KDM2B: variants seen among roughly 807,000 people sequenced by gnomAD.
The protein encoded by KDM2B is lysine-specific demethylase 2B.
Under a neutral mutation model 150.0 loss-of-function variants are expected in KDM2B, and 26 were observed. That is an observed-to-expected ratio of 0.17 (90% CI 0.13 to 0.24). The LOEUF is 0.24. Among genes scored for constraint, KDM2B ranks in the 10% least tolerant of loss-of-function variants. The pLI, the probability that KDM2B is intolerant of heterozygous loss-of-function variation, is 1.00. For missense variants in KDM2B, 1,265 were observed against 1,816.9 expected, an observed-to-expected ratio of 0.70 and a Z score of 5.52; for synonymous variants, 734 against 729.5, an observed-to-expected ratio of 1.01 and a Z score of -0.10.
downstream of KDM2B, among the ~76,000 whole-genome samples, chr12:121,426,450 C>G (rs868928925): frequency 7.0e-6 from 1 of 142,734 alleles, no homozygotes; most frequent in African/African-American, 2.7e-5. Flanking sequence ...CCCCTCCCCC[C>G]CCTTTTTTTT....
In KDM2B at chr12:121,533,543, C is replaced by T. The variant is rs1235487668; in HGVS notation, c.778-584G>A. ...GCAACAAAAGCAGACACAGGGAGCA[C>T]CCTTAGCATTCTGTCCCCAGTGCAA... On this transcript the variant is annotated intron_variant, in intron 7 of 22. Coordinates refer to ENST00000377071, the MANE Select transcript of KDM2B (RefSeq NM_032590.5). The surrounding 1 kb of genome is among the most constrained non-coding windows in gnomAD (Gnocchi z 4.1). 6.6e-6 allele frequency among the ~76,000 whole-genome samples: 1 copy of T among 152,184 alleles called. No individual in the cohort carries two copies. The highest frequency in any genetic ancestry group is 1.9e-4 in the East Asian group (1 of 5,198).
chr12:121,446,591 C>T (rs984256336), intron 13 of KDM2B, among the ~76,000 whole-genome samples: 38 of 152,136 alleles, frequency 2.5e-4, no homozygotes, highest in African/African-American at 8.5e-4. Flanking sequence ...GGTGAAATGG[C>T]CACTTTCTCC....
chr12:121,411,763 A>G, the KDM2B span, among the ~76,000 whole-genome samples: 1 of 152,196 alleles, frequency 6.6e-6, no homozygotes, highest in African/African-American at 2.4e-5. Context: ...TCCATGAGGA[A>G]CTTTCACTGT....
At chr12:121,455,432 C>A (rs961310212) in intron 12 of KDM2B, among the ~76,000 whole-genome samples, 2 of 152,228 alleles carry the variant, frequency 1.3e-5, no homozygotes. Context: ...GCAAAGGGCG[C>A]CAGGAACGGT....
At chr12:121,418,760 G>A in the KDM2B span, 7 of 152,162 alleles carry the variant, frequency 4.6e-5, no homozygotes, top group East Asian at 3.9e-4. Flanking sequence ...TCACTCTGTT[G>A]CCCAGGCTAG....
downstream of KDM2B, among the ~76,000 whole-genome samples, chr12:121,428,534 G>A (rs1028363860): frequency 2.6e-5 from 4 of 152,134 alleles, no homozygotes; most frequent in African/African-American, 7.2e-5. Context: ...AGAAAACTCA[G>A]CCATCAGCAA....
rs1447739591 is a variant in KDM2B, at chr12:121,453,742, AGCCAGCCCGGCCC to A, written c.1735-411_1735-399del. Among the ~76,000 whole-genome samples the A allele has an allele frequency of 6.6e-6, 1 of 152,150 alleles. No homozygotes were observed. Among genetic ancestry groups the A allele is most frequent in the East Asian group, 1.9e-4 (1 of 5,196 alleles). Reference sequence around the variant, plus strand: ...AAGGACCCTCCCCTAGAGCCCGCAGAGCCAGCCCGGCCCGCCAGCCCACACCTTGACTTCAGAC... The same window carrying A: ...AAGGACCCTCCCCTAGAGCCCGCAGAGCCAGCCCACACCTTGACTTCAGAC... On this transcript the variant is annotated intron_variant, in intron 12 of 22. Transcript: ENST00000377071. The surrounding 1 kb of genome is among the most constrained non-coding windows in gnomAD (Gnocchi z 6.4).
chr12:121,539,028 G>A (rs1242577456), intron 6 of KDM2B, among the ~76,000 whole-genome samples: 1 of 151,984 alleles, frequency 6.6e-6, no homozygotes, highest in Non-Finnish European at 1.5e-5. Context: ...GCTGGAAATG[G>A]TCCCATAGCC....
At chr12:121,580,254 G>GA in intron 1 of KDM2B, 1 of 1,241,610 alleles carries the variant, frequency 8.1e-7, no homozygotes, top group South Asian at 2.8e-5. Context: ...AGCAGTTGTG[G>GA]GGGGGGGGAG....
intron 13 of KDM2B, among the ~76,000 whole-genome samples, chr12:121,449,652 A>G (rs1555291119): frequency 3.3e-5 from 5 of 152,170 alleles, no homozygotes; most frequent in Non-Finnish European, 7.4e-5. Flanking sequence ...ACTGGCACAC[A>G]TTGGGTTTTA....
intron 12 of KDM2B, among the ~76,000 whole-genome samples, chr12:121,481,758 G>GTTTTT (rs111363850): frequency 1.1e-4 from 14 of 123,250 alleles, no homozygotes; most frequent in African/African-American, 4.8e-4. Context: ...TTATCTTAGG[G>GTTTTT]TTTTTTTTGT....
intron 11 of KDM2B, among the ~76,000 whole-genome samples, chr12:121,506,464 T>A (rs1417147190): frequency 6.6e-6 from 1 of 152,070 alleles, no homozygotes; most frequent in African/African-American, 2.4e-5. Flanking sequence ...CATGGAACCC[T>A]CAGGAGGCCT....
chr12:121,427,999 C>T (rs1175414356), downstream of KDM2B, among the ~76,000 whole-genome samples: 11 of 152,174 alleles, frequency 7.2e-5, no homozygotes, highest in Non-Finnish European at 4.4e-5. Context: ...GTCAAGAAAA[C>T]AAATATTACC....
chr12:121,580,262 G>A (rs910113157), intron 1 of KDM2B: 8 of 1,112,996 alleles, frequency 7.2e-6, no homozygotes, highest in Non-Finnish European at 9.0e-6. Flanking sequence ...TGGGGGGGGG[G>A]AGGCGTCGAC....
the KDM2B span, among the ~76,000 whole-genome samples, chr12:121,410,293 C>G: frequency 2.6e-5 from 4 of 151,898 alleles, no homozygotes; most frequent in East Asian, 7.8e-4. Context: ...AATCCCAGCT[C>G]TTTGGGAGGC....
At chr12:121,486,141 G>C (rs369711561) in intron 12 of KDM2B, among the ~76,000 whole-genome samples, 13 of 140,594 alleles carry the variant, frequency 9.2e-5, no homozygotes, top group African/African-American at 3.5e-4. Flanking sequence ...ATGGAGTCTT[G>C]CTCCTTTGCC....
chr12:121,573,581 T>G (rs1427579563), intron 4 of KDM2B, among the ~76,000 whole-genome samples: 2 of 144,554 alleles, frequency 1.4e-5, no homozygotes, highest in African/African-American at 5.3e-5. Flanking sequence ...GGCCTACTGT[T>G]TACTTCTTTT....
At chr12:121,581,080 C>T, upstream of KDM2B, 1 of 834,910 alleles carries the variant, frequency 1.2e-6, no homozygotes, top group Non-Finnish European at 1.7e-6. Context: ...AAGACGTTGC[C>T]TTTCATTCAT....
At position 121,440,877 on chromosome 12, in the gene KDM2B, C is replaced by A; in HGVS notation, c.3549G>T (p.Val1183=). The A allele has an allele frequency of 6.2e-7, 1 of 1,614,088 alleles. No homozygotes were observed. The highest frequency in any genetic ancestry group is 1.1e-5 in the South Asian group (1 of 91,080). Reference sequence around the variant, plus strand: ...GCATCTGGGCATCCTTTAGTCCCTCCACCCACTGGACATCCAGGGTCCGGA... The same window carrying A: ...GCATCTGGGCATCCTTTAGTCCCTCAACCCACTGGACATCCAGGGTCCGGA... ...PLLRTLDVQW[V]EGLKDAQMRD... Residue 1183 remains valine (V), a synonymous_variant, in exon 21 of 23, where the codon GTG becomes GTT. Coordinates refer to ENST00000377071, the MANE Select transcript of KDM2B (RefSeq NM_032590.5).
Sources: allele counts gnomAD v4.1 joint callset (sites outside exome capture counted in the v4.1 genomes callset), GRCh38; gene constraint gnomAD v4.1.1; non-coding constraint Gnocchi (gnomAD v3.1); transcripts MANE v1.5; gene names NCBI Gene and HGNC (gene_info 2026-07-23, HGNC 2026-07-21).